Variants in ASPH observed in about 807,000 individuals in gnomAD.
ASPH encodes the protein aspartyl/asparaginyl beta-hydroxylase.
Under a neutral mutation model 118.4 loss-of-function variants are expected in ASPH, and 100 were observed. The observed-to-expected ratio is 0.84, with a 90% CI of 0.72 to 1.00. The LOEUF (loss-of-function observed/expected upper bound fraction) is 1.00. Among genes scored for constraint, ASPH ranks in the 50% least tolerant of loss-of-function variants. The probability of loss-of-function intolerance (pLI) is 0.00; values close to 1 mark genes in which losing one functional copy is unlikely to be tolerated. For synonymous variants in ASPH, 315 were observed against 325.6 expected (o/e 0.97, Z 0.35); for missense variants, 920 against 919.5 (o/e 1.00, Z -0.01).
intron 14 of ASPH, among the ~76,000 whole-genome samples, chr8:61,615,335 C>T (rs905595329): frequency 1.3e-5 from 2 of 152,172 alleles, no homozygotes; most frequent in African/African-American, 4.8e-5. Context: ...TCCAAGAGGC[C>T]TATTACACAG....
At chr8:61,544,096 G>A (rs1189575167) in intron 21 of ASPH, among the ~76,000 whole-genome samples, 3 of 152,184 alleles carry the variant, frequency 2.0e-5, no homozygotes, top group African/African-American at 7.2e-5. Context: ...CTAGTGCCTG[G>A]AAAGCTATGG....
rs16927481 is a variant in ASPH, at chr8:61,548,459, T to C, written c.1627-251A>G. The stretch of plus-strand genomic sequence containing the variant: ...CTTAGGCTGCAGTCTCTCTGGATAG[T>C]GGATTCATGCCCTACACATTTTGGT... On this transcript the variant is annotated intron_variant, in intron 20 of 24. Coordinates refer to ENST00000379454, the MANE Select transcript of ASPH (RefSeq NM_004318.4). Among the ~76,000 whole-genome samples the C allele has an allele frequency of 0.063, 9,661 of 152,190 alleles. 610 individuals carry two copies. Among genetic ancestry groups the C allele is most frequent in the African/African-American group, 0.16 (6,818 of 41,498 alleles).
intron 21 of ASPH, among the ~76,000 whole-genome samples, chr8:61,547,322 T>C (rs910129802): frequency 2.0e-5 from 3 of 152,232 alleles, no homozygotes; most frequent in African/African-American, 7.2e-5. Flanking sequence ...TGCCACAGCA[T>C]TTTCTAACAA....
chr8:61,545,366 T>A (rs550892769), intron 21 of ASPH, among the ~76,000 whole-genome samples: 1 of 152,346 alleles, frequency 6.6e-6, no homozygotes, highest in African/African-American at 2.4e-5. Flanking sequence ...AAAGTAAATT[T>A]CTATTGTTTA....
intron 17 of ASPH, among the ~76,000 whole-genome samples, chr8:61,565,964 T>C (rs907969627): frequency 6.6e-6 from 1 of 152,176 alleles, no homozygotes; most frequent in African/African-American, 2.4e-5. Flanking sequence ...GCATGGTTTG[T>C]TGAATATTTT....
intron 3 of ASPH, among the ~76,000 whole-genome samples, chr8:61,671,836 A>G (rs1207462366): frequency 6.6e-6 from 1 of 152,266 alleles, no homozygotes; most frequent in Admixed American, 6.5e-5. Context: ...TGAACCATTA[A>G]GCCAATGGAT....
At chr8:61,668,671 T>C (rs1437590863) in intron 3 of ASPH, among the ~76,000 whole-genome samples, 5 of 152,286 alleles carry the variant, frequency 3.3e-5, no homozygotes, top group Admixed American at 6.5e-5. Flanking sequence ...TCAATCACAC[T>C]TGCCATCCAA....
rs111378981 is a variant in ASPH at position 61,646,154 on chromosome 8, A to C, written c.619+596T>G. On this transcript the variant is annotated intron_variant, in intron 6 of 24. Transcript: ENST00000379454. ...GAGCTGTGTTCAAGCCGCTGCACTT[A>C]CCAGCCATGTTGGGTAGGATTTTAC... is the stretch of plus-strand genomic sequence containing the variant. 3.3e-4 allele frequency among the ~76,000 whole-genome samples: 51 copies of C among 152,344 alleles called. 1 individual carries two copies. Among genetic ancestry groups the C allele is most frequent in the African/African-American group, 7.9e-4 (33 of 41,580 alleles).
chr8:61,580,133 C>A (rs973103139), intron 15 of ASPH, among the ~76,000 whole-genome samples: 6 of 152,150 alleles, frequency 3.9e-5, no homozygotes, highest in African/African-American at 1.4e-4. Flanking sequence ...AGTCCCCCTC[C>A]CAGCTGCTTT....
At chr8:61,595,475 A>G (rs925146477) in intron 14 of ASPH, among the ~76,000 whole-genome samples, 1 of 152,260 alleles carries the variant, frequency 6.6e-6, no homozygotes, top group African/African-American at 2.4e-5. Context: ...CCTTTCTGAA[A>G]CAGAGGTAGT....
At chr8:61,526,295 A>C (rs569092550) in intron 21 of ASPH, among the ~76,000 whole-genome samples, 183 bp from the exon 22 acceptor site, 1 of 152,204 alleles carries the variant, frequency 6.6e-6, no homozygotes, top group Non-Finnish European at 1.5e-5. Flanking sequence ...AAATCTCATG[A>C]CTTTTCCAAA....
chr8:61,554,538 C>T (rs1454725930), intron 19 of ASPH, among the ~76,000 whole-genome samples: 1 of 152,214 alleles, frequency 6.6e-6, no homozygotes, highest in African/African-American at 2.4e-5. Context: ...GCTAGCCACA[C>T]ATTACTGCTA....
intron 10 of ASPH, among the ~76,000 whole-genome samples, chr8:61,639,462 A>G (rs1235768327): frequency 6.6e-6 from 1 of 152,074 alleles, no homozygotes; most frequent in Non-Finnish European, 1.5e-5. Context: ...ATTCTTCTCC[A>G]AACACTGTTG....
chr8:61,555,826 A>C, intron 19 of ASPH, 98 bp downstream of exon 19: 4 of 1,024,894 alleles, frequency 3.9e-6, no homozygotes, highest in Non-Finnish European at 5.8e-6. Flanking sequence ...GAAAATACTC[A>C]GCAGTGCATG....
intron 14 of ASPH, among the ~76,000 whole-genome samples, chr8:61,599,307 C>T (rs1162902987): frequency 6.6e-6 from 1 of 151,886 alleles, no homozygotes; most frequent in Non-Finnish European, 1.5e-5. Flanking sequence ...ACATCACACA[C>T]CGGGGCCTGT....
intron 21 of ASPH, among the ~76,000 whole-genome samples, chr8:61,541,933 T>C (rs1328406756): frequency 1.3e-5 from 2 of 152,200 alleles, no homozygotes; most frequent in African/African-American, 2.4e-5. Flanking sequence ...ACACAAGATA[T>C]ATAAGCAGAA....
chr8:61,507,532 AT>A (rs1035541129), intron 24 of ASPH, among the ~76,000 whole-genome samples: 50 of 152,350 alleles, frequency 3.3e-4, no homozygotes, highest in African/African-American at 1.1e-3. Flanking sequence ...TAGAGATAGA[AT>A]GACTAAAACT....
Position 61,555,982 on chromosome 8 carries a change from T to A in ASPH, c.1478A>T (p.His493Leu), listed in dbSNP as rs748940434. Reference sequence around the variant, plus strand: ...CTGTGCCTTCAGGATGAAGCCATAATGGACTTTAGCAAAGCCATCATTAGG... The same window carrying A: ...CTGTGCCTTCAGGATGAAGCCATAAAGGACTTTAGCAAAGCCATCATTAGG... Reference protein sequence around the residue: ...VTPNDGFAKVHYGFILKAQNK... With the variant: ...VTPNDGFAKVLYGFILKAQNK... The change falls in exon 19 of 25, where the codon CAT becomes CTT. Residue 493 changes from histidine to leucine, a missense_variant. His to Leu is a moderately conservative substitution (Grantham distance 99). Coordinates refer to ENST00000379454, the MANE Select transcript of ASPH (RefSeq NM_004318.4). 1 of 1,614,108 alleles carries A rather than the reference T, an allele frequency of 6.2e-7. No individual in the cohort carries two copies. Among genetic ancestry groups the A allele is most frequent in the Admixed American group, 1.7e-5 (1 of 60,026 alleles).
intron 21 of ASPH, among the ~76,000 whole-genome samples, chr8:61,539,700 GTGTGT>G (rs1821086967): frequency 2.5e-5 from 1 of 40,300 alleles, no homozygotes; most frequent in African/African-American, 7.5e-5. Flanking sequence ...CACTTCTGGG[GTGTGT>G]GTGTGTGTGT....
Sources: allele counts gnomAD v4.1 joint callset (sites outside exome capture counted in the v4.1 genomes callset), GRCh38; gene constraint gnomAD v4.1.1; transcripts MANE v1.5; gene names NCBI Gene and HGNC (gene_info 2026-07-23, HGNC 2026-07-21).